Variants in ALDH1L1 observed in about 807,000 individuals in gnomAD.
The protein encoded by ALDH1L1 is aldehyde dehydrogenase 1 family member L1, also known as cytosolic 10-formyltetrahydrofolate dehydrogenase.
In ALDH1L1, 68 loss-of-function variants were observed where a neutral mutation model predicts 101.1. That is an observed-to-expected ratio of 0.67 (90% CI 0.55 to 0.82). The LOEUF (loss-of-function observed/expected upper bound fraction) is 0.82. Ranked by LOEUF, ALDH1L1 falls within the 40% of genes least tolerant of loss-of-function variation. ALDH1L1 has a pLI of 0.00. For missense variants in ALDH1L1, 1,087 were observed against 1,172.7 expected (o/e 0.93, Z 1.07); for synonymous variants, 486 against 470.8 (o/e 1.03, Z -0.42).
chr3:126,125,037 G>GTA (rs2080153729), intron 15 of ALDH1L1, among the ~76,000 whole-genome samples: 1 of 152,154 alleles, frequency 6.6e-6, no homozygotes, highest in Admixed American at 6.5e-5. Flanking sequence ...CATTGCCAAT[G>GTA]TACAGATGGA....
At chr3:126,132,664 C>T (rs960291533) in intron 12 of ALDH1L1, among the ~76,000 whole-genome samples, 3 of 152,166 alleles carry the variant, frequency 2.0e-5, no homozygotes, top group Admixed American at 6.5e-5. Context: ...AATGGGAAGC[C>T]GACCCAAATC....
intron 1 of ALDH1L1, among the ~76,000 whole-genome samples, chr3:126,167,264 C>A (rs374932075): frequency 9.9e-5 from 15 of 152,214 alleles, no homozygotes; most frequent in Admixed American, 7.2e-4. Flanking sequence ...AAAAAAGGAA[C>A]CAGGGCTTAG....
At chr3:126,153,028 T>G in intron 7 of ALDH1L1, 1 of 309,382 alleles carries the variant, frequency 3.2e-6, no homozygotes, top group Non-Finnish European at 6.3e-6. Flanking sequence ...TAAGTTACCA[T>G]GGCATCGCCG....
At chr3:126,130,576 G>A (rs1373211761) in intron 13 of ALDH1L1, among the ~76,000 whole-genome samples, 2 of 152,216 alleles carry the variant, frequency 1.3e-5, no homozygotes, top group East Asian at 1.9e-4. Context: ...GCAGGGCCGG[G>A]TGTCCCCCTC....
At chr3:126,140,469 C>G (rs966804723) in intron 9 of ALDH1L1, among the ~76,000 whole-genome samples, 3 of 152,046 alleles carry the variant, frequency 2.0e-5, no homozygotes, top group Non-Finnish European at 4.4e-5. Flanking sequence ...AAATAAAGAA[C>G]ACAGGTAAAG....
intron 22 of ALDH1L1, 55 bp downstream of exon 22, chr3:126,105,671 C>G: frequency 6.2e-7 from 1 of 1,600,914 alleles, no homozygotes; most frequent in Non-Finnish European, 8.6e-7. Flanking sequence ...TGGTTTTGAA[C>G]AGATGTTTGT....
rs547038201 is a variant in ALDH1L1, at chr3:126,111,834, G to A, written c.2181+948C>T. ...CTGCTCTCCACAACCTAGGGGCGGTGGGGGGCGGTGCTCTTCGCGGAAGCT... is the reference window on the plus strand; with the variant it reads ...CTGCTCTCCACAACCTAGGGGCGGTAGGGGGCGGTGCTCTTCGCGGAAGCT... On this transcript the variant is annotated intron_variant, in intron 19 of 22. Coordinates refer to ENST00000393434, the MANE Select transcript of ALDH1L1 (RefSeq NM_012190.4). Among the ~76,000 whole-genome samples, 7 of 152,346 alleles carry A rather than the reference G, an allele frequency of 4.6e-5. No individual in the cohort carries two copies. In the East Asian group the frequency reaches 1.3e-3, roughly 29 times the overall value.
chr3:126,158,327 G>A (rs1375122570), intron 3 of ALDH1L1, 78 bp downstream of exon 3: 1 of 1,360,338 alleles, frequency 7.4e-7, no homozygotes, highest in African/African-American at 1.5e-5. Context: ...AAATGCTTTG[G>A]GCTAATGGAA....
At chr3:126,192,042 C>T (rs2081556303) in intron 1 of ALDH1L1, among the ~76,000 whole-genome samples, 1 of 152,174 alleles carries the variant, frequency 6.6e-6, no homozygotes, top group Non-Finnish European at 1.5e-5. Flanking sequence ...CTCTCTTTCT[C>T]AGCTAGAATG....
chr3:126,105,994 C>T lies in ALDH1L1; in HGVS notation c.2454-69G>A, dbSNP rs554383640. Reference sequence around the variant, plus strand: ...GGAGAGCCTGGCCCACTCCACACCCCGGCCCACTCCACACCCCAGCTGCAT... The same window carrying T: ...GGAGAGCCTGGCCCACTCCACACCCTGGCCCACTCCACACCCCAGCTGCAT... On this transcript the variant is annotated intron_variant, in intron 21 of 22. Transcript: ENST00000393434. The T allele has an allele frequency of 1.7e-4, 252 of 1,469,762 alleles. 1 individual carries two copies. The Admixed American group carries it at 2.4e-3, about 14-fold the overall frequency. The allele number at this position is 1,469,762 out of a possible 1,614,324, so 91.0% of individuals were successfully genotyped here. A position where few individuals can be genotyped will look rare whatever the true frequency, so the allele number is the denominator to read the frequency against.
intron 1 of ALDH1L1, among the ~76,000 whole-genome samples, chr3:126,170,834 C>T (rs1177523958): frequency 6.6e-6 from 1 of 152,124 alleles, no homozygotes; most frequent in Non-Finnish European, 1.5e-5. Flanking sequence ...AAAGAGCAGA[C>T]AGTAAAACAC....
intron 1 of ALDH1L1, among the ~76,000 whole-genome samples, chr3:126,164,624 T>C (rs180732479): frequency 2.0e-5 from 3 of 152,400 alleles, no homozygotes. Context: ...CCACCATTGT[T>C]GGGCACCTAA....
rs751575677 is a variant in ALDH1L1 at position 126,137,831 on chromosome 3, G to T, written c.1206C>A (p.Gly402=). Residue 402 remains glycine (G), a synonymous_variant, in exon 10 of 23, where the codon GGC becomes GGA. Coordinates refer to ENST00000393434, the MANE Select transcript of ALDH1L1 (RefSeq NM_012190.4). ...VRKLRGDDEE[G]ECSIDYVEMA... is the part of the protein sequence containing the mutation. ...CACTCACGTAGTCAATGCTGCACTC[G>T]CCCTCCTCATCGTCCCCTCGCAGCT... The T allele has an allele frequency of 6.2e-7, 1 of 1,614,012 alleles. No homozygotes were observed. Among genetic ancestry groups the T allele is most frequent in the South Asian group, 1.1e-5 (1 of 91,046 alleles).
At chr3:126,172,743 T>C (rs78586954) in intron 1 of ALDH1L1, among the ~76,000 whole-genome samples, 223 of 151,896 alleles carry the variant, frequency 1.5e-3, no homozygotes, top group Middle Eastern at 3.4e-3. Context: ...GGAAACCAAA[T>C]AGGATAAAGA....
chr3:126,165,700 T>C (rs939700411), intron 1 of ALDH1L1, among the ~76,000 whole-genome samples: 1 of 152,326 alleles, frequency 6.6e-6, no homozygotes, highest in Admixed American at 6.5e-5. Context: ...GATTTTCTCA[T>C]TTGTGTGCAT....
At chr3:126,172,548 A>C (rs2081298250) in intron 1 of ALDH1L1, among the ~76,000 whole-genome samples, 1 of 152,250 alleles carries the variant, frequency 6.6e-6, no homozygotes, top group South Asian at 2.1e-4. Flanking sequence ...GAAATATAGA[A>C]TAAAAAAGAC....
intron 16 of ALDH1L1, among the ~76,000 whole-genome samples, chr3:126,123,444 G>T (rs763534554): frequency 6.6e-6 from 1 of 151,924 alleles, no homozygotes; most frequent in Non-Finnish European, 1.5e-5. Context: ...TTTTAATAGA[G>T]ACGGGGTTTC....
intron 18 of ALDH1L1, 61 bp downstream of exon 18, chr3:126,114,496 C>T: frequency 7.5e-7 from 1 of 1,326,684 alleles, no homozygotes; most frequent in Non-Finnish European, 1.0e-6. Context: ...ACAGGGCCTC[C>T]TGGTCCCTAC....
At chr3:126,158,681 C>T (rs763459960) in intron 2 of ALDH1L1, 42 bp from the exon 3 acceptor site, 4 of 1,573,118 alleles carry the variant, frequency 2.5e-6, no homozygotes, top group Non-Finnish European at 3.5e-6. Context: ...CTCCATAACC[C>T]ACCCACACGC....
Sources: allele counts gnomAD v4.1 joint callset (sites outside exome capture counted in the v4.1 genomes callset), GRCh38; gene constraint gnomAD v4.1.1; transcripts MANE v1.5; gene names NCBI Gene and HGNC (gene_info 2026-07-23, HGNC 2026-07-21).